The following UQCRC1 variants were observed in gnomAD, a reference collection of about 807,000 sequenced individuals.
UQCRC1 encodes the protein ubiquinol-cytochrome c reductase core protein 1.
Under a neutral mutation model 58.0 loss-of-function variants are expected in UQCRC1, and 34 were observed. That is an observed-to-expected ratio of 0.59 (90% CI 0.45 to 0.78). The LOEUF (loss-of-function observed/expected upper bound fraction) is 0.78, where lower values mean the gene tolerates loss of function less well. Ranked by LOEUF, UQCRC1 falls within the 30% of genes least tolerant of loss-of-function variation. UQCRC1 has a pLI of 0.00. For synonymous variants in UQCRC1, 276 were observed against 248.8 expected (o/e 1.11, Z -1.03); for missense variants, 610 against 646.0 (o/e 0.94, Z 0.60).
chr3:48,600,236 A>G, intron 10 of UQCRC1, 85 bp from the exon 11 acceptor site: 1 of 1,472,038 alleles, frequency 6.8e-7, no homozygotes, highest in South Asian at 1.2e-5. Flanking sequence ...CCTCAGGTTG[A>G]CAAGGACCTC....
Position 48,603,652 on chromosome 3 carries a change from C to T in UQCRC1, c.627-9G>A, listed in dbSNP as rs1351012058. 8 of 1,613,162 alleles carry T rather than the reference C, an allele frequency of 5.0e-6. No homozygotes were observed. The highest frequency in any genetic ancestry group is 6.8e-6 in the Non-Finnish European group (8 of 1,179,658). On this transcript the variant is annotated splice_polypyrimidine_tract_variant and intron_variant, in intron 5 of 12. Transcript: ENST00000203407. ...CTGCACGAGACAGCTTCCTACAAGA[C>T]ATATGGTCAGTGTGTCAACACCTCT...
intron 10 of UQCRC1, 79 bp from the exon 11 acceptor site, chr3:48,600,230 A>T: frequency 6.7e-7 from 1 of 1,502,500 alleles, no homozygotes; most frequent in South Asian, 1.1e-5. Context: ...CTCCAGCCTC[A>T]GGTTGACAAG....
At chr3:48,604,831 A>C in intron 3 of UQCRC1, 51 bp from the exon 4 acceptor site, 1 of 1,609,036 alleles carries the variant, frequency 6.2e-7, no homozygotes, top group African/African-American at 1.3e-5. Context: ...GGAACCCAAG[A>C]ACCCTGTCCT....
chr3:48,603,539 G>A (rs1265480646), intron 6 of UQCRC1, 25 bp downstream of exon 6: 3 of 1,611,842 alleles, frequency 1.9e-6, no homozygotes, highest in Admixed American at 3.3e-5. Context: ...CCACTACCCA[G>A]GACTTCAGTG....
intron 2 of UQCRC1, among the ~76,000 whole-genome samples, chr3:48,607,177 A>G (rs955294056): frequency 1.3e-5 from 2 of 152,086 alleles, no homozygotes; most frequent in Non-Finnish European, 2.9e-5. Flanking sequence ...GAGTAGCTGG[A>G]ACTACAGGCG....
chr3:48,609,244 TG>T lies in UQCRC1; in HGVS notation c.127del (p.Gln43SerfsTer125). ...RSTATFAQAL[Q>X]FVPETQVSLL... ...GCTAACCTGCGTCTCCGGCACGAACTGGAGCGCCTGAGCGAAGGTTGCCGTA... is the reference window on the plus strand; with the variant it reads ...GCTAACCTGCGTCTCCGGCACGAACTGAGCGCCTGAGCGAAGGTTGCCGTA... On this transcript the variant is annotated frameshift_variant, in exon 2 of 13. Coordinates refer to ENST00000203407, the MANE Select transcript of UQCRC1 (RefSeq NM_003365.3). LOFTEE classifies it high-confidence loss of function. 6.2e-7 allele frequency: 1 copy of T among 1,612,060 alleles called. No homozygotes were observed. The highest frequency in any genetic ancestry group is 8.5e-7 in the Non-Finnish European group (1 of 1,179,016).
intron 2 of UQCRC1, among the ~76,000 whole-genome samples, chr3:48,606,477 G>A (rs1469714252): frequency 2.6e-5 from 4 of 152,172 alleles, no homozygotes; most frequent in South Asian, 4.1e-4. Flanking sequence ...GGCTGGGCGC[G>A]GTGGCTTATA....
At chr3:48,600,188 C>T in intron 10 of UQCRC1, 37 bp from the exon 11 acceptor site, 4 of 1,607,106 alleles carry the variant, frequency 2.5e-6, no homozygotes, top group Admixed American at 1.7e-5. Context: ...GTCCACCCAG[C>T]CCAATCCTGG....
chr3:48,609,323 G>C, intron 1 of UQCRC1, 21 bp from the exon 2 acceptor site: 2 of 1,595,528 alleles, frequency 1.3e-6, no homozygotes, highest in Non-Finnish European at 1.7e-6. Flanking sequence ...GAACAGCCGC[G>C]AGTGAGGACT....
intron 2 of UQCRC1, among the ~76,000 whole-genome samples, chr3:48,606,129 T>C (rs2046409316): frequency 6.6e-6 from 1 of 152,246 alleles, no homozygotes; most frequent in Non-Finnish European, 1.5e-5. Flanking sequence ...TTACCTGGTC[T>C]CACCAGCATA....
In UQCRC1 at chr3:48,607,927, C is replaced by T. The variant is rs1447969491; in HGVS notation, c.210+1235G>A. Among the ~76,000 whole-genome samples, 4 of 151,982 alleles carry T rather than the reference C, an allele frequency of 2.6e-5. No homozygotes were observed. The South Asian group carries it at 6.2e-4, about 24-fold the overall frequency. ...GCAATCTCTGCCTCCCGGGTTCAAG[C>T]GATTCTCTTGCCTCAGTCTCCCCAG... On this transcript the variant is annotated intron_variant, in intron 2 of 12. Transcript: ENST00000203407.
intron 6 of UQCRC1, 119 bp downstream of exon 6, chr3:48,603,445 T>C (rs1421133813): frequency 1.1e-6 from 1 of 938,066 alleles, no homozygotes; most frequent in South Asian, 1.5e-5. Context: ...CCCTCAAGGT[T>C]AGGGTGGGAG....
intron 12 of UQCRC1, 147 bp from the exon 13 acceptor site, chr3:48,599,339 G>A: frequency 1.0e-6 from 1 of 970,654 alleles, no homozygotes. Flanking sequence ...TTCCCCCAGG[G>A]GTGCTGAGCC....
At chr3:48,600,363 G>T in intron 10 of UQCRC1, 119 bp downstream of exon 10, 1 of 1,278,070 alleles carries the variant, frequency 7.8e-7, no homozygotes, top group Non-Finnish European at 1.1e-6. Flanking sequence ...GGGTGATGGG[G>T]CATGGCGTGG....
At chr3:48,600,460 C>G in intron 10 of UQCRC1, 22 bp downstream of exon 10, 1 of 1,613,776 alleles carries the variant, frequency 6.2e-7, no homozygotes, top group Non-Finnish European at 8.5e-7. Flanking sequence ...TCTACCCCTC[C>G]CCGCTGAGCT....
chr3:48,599,250 G>T (rs1019042796), intron 12 of UQCRC1, 58 bp from the exon 13 acceptor site: 4 of 1,513,034 alleles, frequency 2.6e-6, no homozygotes, highest in Non-Finnish European at 3.6e-6. Flanking sequence ...GGGACACCTG[G>T]CCCTGTGCCG....
chr3:48,607,271 G>A (rs2046422902), intron 2 of UQCRC1, among the ~76,000 whole-genome samples: 1 of 152,200 alleles, frequency 6.6e-6, no homozygotes, highest in Non-Finnish European at 1.5e-5. Context: ...TCAATCTCCT[G>A]ACCTTGTGAT....
At chr3:48,609,430 G>A in intron 1 of UQCRC1, 122 bp downstream of exon 1, 2 of 1,511,910 alleles carry the variant, frequency 1.3e-6, no homozygotes, top group African/African-American at 1.4e-5. Flanking sequence ...GCCCTCCGCC[G>A]TGACCTTCCC....
At position 48,601,496 on chromosome 3, in the gene UQCRC1, C is replaced by T. The variant is rs1170197269; in HGVS notation, c.707-29G>A. On this transcript the variant is annotated intron_variant, in intron 6 of 12. Coordinates refer to ENST00000203407, the MANE Select transcript of UQCRC1 (RefSeq NM_003365.3). ...CTGAGACAGACAGTGGCATTACTGA[C>T]CAGCCAGGGCCCAAGGCACAGGGTG... 2.5e-6 allele frequency: 4 copies of T among 1,606,230 alleles called. No individual in the cohort carries two copies. In the African/African-American group the frequency reaches 5.3e-5, roughly 21 times the overall value.
Sources: allele counts gnomAD v4.1 joint callset (sites outside exome capture counted in the v4.1 genomes callset), GRCh38; gene constraint gnomAD v4.1.1; transcripts MANE v1.5; gene names NCBI Gene and HGNC (gene_info 2026-07-23, HGNC 2026-07-21).